Variants in MAGI2 observed in about 807,000 individuals in gnomAD.
MAGI2 encodes membrane associated guanylate kinase, WW and PDZ domain containing 2, also known as membrane-associated guanylate kinase, WW and PDZ domain-containing protein 2.
Under a neutral mutation model 133.3 loss-of-function variants are expected in MAGI2, and 35 were observed. That is an observed-to-expected ratio of 0.26 (90% CI 0.20 to 0.35). The LOEUF is 0.35. MAGI2 is among the 10% of genes least tolerant of loss of function. The pLI is 1.00. For synonymous variants in MAGI2, 729 were observed against 710.6 expected (o/e 1.03, Z -0.41); for missense variants, 1,636 against 1,863.4 (o/e 0.88, Z 2.25).
chr7:79,292,618 G>T (rs1285880110), intron 1 of MAGI2, among the ~76,000 whole-genome samples: 1 of 151,156 alleles, frequency 6.6e-6, no homozygotes, highest in East Asian at 2.0e-4. Context: ...GGGTGACAGA[G>T]TGAGACCCTG....
At chr7:78,028,229 C>T (rs1400225940) in intron 21 of MAGI2, among the ~76,000 whole-genome samples, 1 of 152,146 alleles carries the variant, frequency 6.6e-6, no homozygotes, top group Admixed American at 6.6e-5. Context: ...ATGGAGCCAT[C>T]GTTAATGGCC....
intron 2 of MAGI2, among the ~76,000 whole-genome samples, chr7:78,729,488 G>A (rs751280044): frequency 6.6e-6 from 1 of 152,176 alleles, no homozygotes; most frequent in African/African-American, 2.4e-5. Context: ...ACACTGTTAA[G>A]GGAGAAGGCA....
chr7:78,578,061 G>T (rs1315109375), intron 3 of MAGI2, among the ~76,000 whole-genome samples: 5 of 147,468 alleles, frequency 3.4e-5, no homozygotes, highest in Admixed American at 6.8e-5. Flanking sequence ...ACCTTCAATT[G>T]TATTCTCTAT....
At chr7:78,528,793 C>G (rs1797194944) in intron 3 of MAGI2, among the ~76,000 whole-genome samples, 1 of 152,028 alleles carries the variant, frequency 6.6e-6, no homozygotes, top group African/African-American at 2.4e-5. Context: ...ACTCCCTGAC[C>G]TCGAAAGATA....
chr7:79,421,166 G>C (rs559533550), intron 1 of MAGI2, among the ~76,000 whole-genome samples: 44 of 152,008 alleles, frequency 2.9e-4, no homozygotes, highest in African/African-American at 1.0e-3. Flanking sequence ...CAATAAATCT[G>C]TTTGACATTA....
In MAGI2 at chr7:78,987,471, G is replaced by A. The variant is rs752245937; in HGVS notation, c.418+19619C>T. The stretch of plus-strand genomic sequence containing the variant: ...GAAAAATAATTATCTTACTTTGAAG[G>A]TTTATCATCAATACAGGATAAAAAA... On this transcript the variant is annotated intron_variant, in intron 2 of 21. Transcript: ENST00000354212. 5.9e-5 allele frequency among the ~76,000 whole-genome samples: 9 copies of A among 151,994 alleles called. No homozygotes were observed. In the East Asian group the frequency reaches 9.7e-4, roughly 16 times the overall value.
intron 3 of MAGI2, chr7:78,615,923 A>G (rs1189127066): frequency 6.6e-6 from 1 of 152,196 alleles, no homozygotes; most frequent in Non-Finnish European, 1.5e-5. Flanking sequence ...AAGTCACTCT[A>G]ACATAAAAGG....
chr7:79,371,875 C>A (rs993806576), intron 1 of MAGI2, among the ~76,000 whole-genome samples: 4 of 152,124 alleles, frequency 2.6e-5, no homozygotes, highest in African/African-American at 9.7e-5. Flanking sequence ...TAACATGTGG[C>A]AGCCAAGAAT....
intron 6 of MAGI2, among the ~76,000 whole-genome samples, chr7:78,396,320 C>T (rs1796341678): frequency 6.6e-6 from 1 of 152,172 alleles, no homozygotes. Flanking sequence ...CTGCCAGCCT[C>T]CCTGACTTCT....
At chr7:78,869,382 T>C (rs2151517873) in intron 2 of MAGI2, among the ~76,000 whole-genome samples, 1 of 152,320 alleles carries the variant, frequency 6.6e-6, no homozygotes, top group Non-Finnish European at 1.5e-5. Flanking sequence ...CTTTGATCCA[T>C]CTTAAGTTGA....
chr7:78,018,097 A>G lies in MAGI2; in HGVS notation c.*1218T>C, dbSNP rs563535190. The G allele has an allele frequency of 1.3e-5, 2 of 152,390 alleles. No individual in the cohort carries two copies. The highest frequency in any genetic ancestry group is 4.8e-5 in the African/African-American group (2 of 41,594). 9.4% of individuals were successfully genotyped at this position (152,390 alleles called of 1,614,324 possible). ...TTACTAGGAGGTCAATCATAGATCC[A>G]TGAAGATAAACATCTAGAAGTTGCT... On this transcript the variant is annotated 3_prime_UTR_variant, in exon 22 of 22. Coordinates refer to ENST00000354212, the MANE Select transcript of MAGI2 (RefSeq NM_012301.4).
chr7:78,364,973 G>C (rs1793224018), intron 7 of MAGI2, among the ~76,000 whole-genome samples: 1 of 152,190 alleles, frequency 6.6e-6, no homozygotes, highest in South Asian at 2.1e-4. Flanking sequence ...CTGCTACATA[G>C]AGTGAGAACT....
At chr7:79,144,824 T>A (rs1414390402) in intron 1 of MAGI2, among the ~76,000 whole-genome samples, 3 of 152,208 alleles carry the variant, frequency 2.0e-5, no homozygotes, top group Non-Finnish European at 4.4e-5. Context: ...TTAAAATTTC[T>A]ATGGAATCTT....
intron 2 of MAGI2, among the ~76,000 whole-genome samples, chr7:78,854,371 A>T (rs1793440116): frequency 6.6e-6 from 1 of 152,106 alleles, no homozygotes; most frequent in Non-Finnish European, 1.5e-5. Flanking sequence ...ACCTTGTTTT[A>T]TAATTTGTTA....
chr7:78,132,832 C>T (rs1584067700), intron 18 of MAGI2, 57 bp downstream of exon 18: 2 of 1,613,006 alleles, frequency 1.2e-6, no homozygotes, highest in Non-Finnish European at 1.7e-6. Context: ...CCCAAATACT[C>T]CCTCCTTTCC....
At chr7:78,902,600 T>C (rs770524282) in intron 2 of MAGI2, 1 of 152,196 alleles carries the variant, frequency 6.6e-6, no homozygotes, top group South Asian at 2.1e-4. Flanking sequence ...ACAATTCATA[T>C]CCACATGAGA....
intron 1 of MAGI2, among the ~76,000 whole-genome samples, chr7:79,297,513 T>C (rs1403240014): frequency 1.3e-5 from 2 of 152,182 alleles, no homozygotes; most frequent in African/African-American, 4.8e-5. Context: ...ATTAGTCAGA[T>C]ACTATTCATT....
intron 20 of MAGI2, among the ~76,000 whole-genome samples, chr7:78,081,497 G>A (rs1815967782): frequency 1.3e-5 from 2 of 152,150 alleles, no homozygotes; most frequent in Admixed American, 1.3e-4. Flanking sequence ...CAGAAAGTGG[G>A]GGTGGTGGGT....
intron 16 of MAGI2, among the ~76,000 whole-genome samples, chr7:78,155,064 T>A (rs1339112826): frequency 6.6e-6 from 1 of 152,178 alleles, no homozygotes; most frequent in Admixed American, 6.5e-5. Flanking sequence ...TTTGGTGAAG[T>A]TTCTAACATT....
Sources: allele counts gnomAD v4.1 joint callset (sites outside exome capture counted in the v4.1 genomes callset), GRCh38; gene constraint gnomAD v4.1.1; transcripts MANE v1.5; gene names NCBI Gene and HGNC (gene_info 2026-07-23, HGNC 2026-07-21).